Variants in CLNK observed in about 807,000 individuals in gnomAD.
The protein encoded by CLNK is cytokine dependent hematopoietic cell linker, also known as cytokine-dependent hematopoietic cell linker.
In CLNK, 74 loss-of-function variants were observed where a neutral mutation model predicts 68.6. The observed-to-expected ratio is 1.08, with a 90% CI of 0.89 to 1.31. The LOEUF (loss-of-function observed/expected upper bound fraction) is 1.31. CLNK is among the 50% of genes most tolerant of loss of function. The probability of loss-of-function intolerance (pLI) is 0.00; values close to 1 mark genes in which losing one functional copy is unlikely to be tolerated. For missense variants in CLNK, 553 were observed against 515.3 expected, an observed-to-expected ratio of 1.07 and a Z score of -0.71; for synonymous variants, 198 against 172.2, an observed-to-expected ratio of 1.15 and a Z score of -1.17.
At position 10,507,822 on chromosome 4, in the gene CLNK, C is replaced by A. The variant is rs1014827006; in HGVS notation, c.984+137G>T. 9 of 678,668 alleles carry A rather than the reference C, an allele frequency of 1.3e-5. No individual in the cohort carries two copies. The Admixed American group carries it at 2.5e-4, about 19-fold the overall frequency. The allele number at this position is 678,668 out of a possible 1,614,324, so 42.0% of individuals were successfully genotyped here. A position where few individuals can be genotyped will look rare whatever the true frequency, so the allele number is the denominator to read the frequency against. On this transcript the variant is annotated intron_variant, in intron 17 of 18. Transcript: ENST00000226951. ...TAAATGCCCTTTTCGACTACAGCCT[C>A]CCAGCACTGAGAAATGCAGGGTGAT...
Position 10,652,494 on chromosome 4 carries a change from A to G in CLNK, c.11+15365T>C, listed in dbSNP as rs145537132. ...AAAATGTAAGAATAGAAAAGTGTCA[A>G]TATAAAATGATATAAAAGATGGAGC... On this transcript the variant is annotated intron_variant, in intron 2 of 18. Coordinates refer to ENST00000226951, the MANE Select transcript of CLNK (RefSeq NM_052964.4). 4.3e-3 allele frequency among the ~76,000 whole-genome samples: 651 copies of G among 152,170 alleles called. 6 individuals are homozygous for G. The highest frequency in any genetic ancestry group is 0.015 in the African/African-American group (606 of 41,552).
upstream of CLNK, among the ~76,000 whole-genome samples, chr4:10,688,408 A>G (rs1187684344): frequency 6.6e-6 from 1 of 152,190 alleles, no homozygotes; most frequent in Non-Finnish European, 1.5e-5. Context: ...GGAAAAACCC[A>G]AAGAGAACTT....
intron 3 of CLNK, among the ~76,000 whole-genome samples, chr4:10,586,316 C>T (rs553175486): frequency 6.7e-6 from 1 of 148,474 alleles, no homozygotes; most frequent in Admixed American, 6.9e-5. Flanking sequence ...AACCTCATCT[C>T]TGAATCTTTC....
In CLNK at chr4:10,608,623, C is replaced by T. The variant is rs996130218; in HGVS notation, c.12-10574G>A. Among the ~76,000 whole-genome samples, 31 of 152,192 alleles carry T rather than the reference C, an allele frequency of 2.0e-4. 1 individual carries two copies. Among genetic ancestry groups the T allele is most frequent in the African/African-American group, 7.5e-4 (31 of 41,456 alleles). On this transcript the variant is annotated intron_variant, in intron 2 of 18. Transcript: ENST00000226951. The stretch of plus-strand genomic sequence containing the variant: ...GTGTCTGGGTCATGGGAACCAACTC[C>T]TTAACAATGACGAAAATTCTTTACT...
chr4:10,686,902 A>G (rs973075345), upstream of CLNK, among the ~76,000 whole-genome samples: 1 of 152,152 alleles, frequency 6.6e-6, no homozygotes, highest in African/African-American at 2.4e-5. Flanking sequence ...TGATATTTAA[A>G]GCTTTTTTTC....
At chr4:10,529,799 GC>G (rs1214844705) in intron 12 of CLNK, among the ~76,000 whole-genome samples, 1 of 152,146 alleles carries the variant, frequency 6.6e-6, no homozygotes, top group Non-Finnish European at 1.5e-5. Context: ...ATCTGGGGGA[GC>G]AGTTGTTTTA....
the CLNK span, among the ~76,000 whole-genome samples, chr4:10,700,507 T>G: frequency 2.0e-5 from 3 of 152,174 alleles, no homozygotes; most frequent in African/African-American, 7.2e-5. Context: ...TTTACCTCAT[T>G]CAAATCTCAG....
In CLNK at chr4:10,515,539, C is replaced by T. The variant is rs538354077; in HGVS notation, c.773-1942G>A. Among the ~76,000 whole-genome samples the T allele has an allele frequency of 5.2e-4, 79 of 152,076 alleles. No homozygotes were observed. In the Middle Eastern group the frequency reaches 0.027, roughly 53 times the overall value. ...AATGACTGACAAACTACTGTTATTC[C>T]GACTTGGATATTTGACAGATATGTT... On this transcript the variant is annotated intron_variant, in intron 15 of 18. Transcript: ENST00000226951.
At chr4:10,542,682 GTATA>G (rs1195351938) in intron 8 of CLNK, among the ~76,000 whole-genome samples, 94 of 137,870 alleles carry the variant, frequency 6.8e-4, no homozygotes, top group East Asian at 2.6e-3. Context: ...GTGTGTGTGT[GTATA>G]TATATATATA....
chr4:10,704,521 A>G, the CLNK span, among the ~76,000 whole-genome samples: 1 of 152,052 alleles, frequency 6.6e-6, no homozygotes, highest in Non-Finnish European at 1.5e-5. Context: ...GGATGCTGCA[A>G]CCTCCAGACC....
At chr4:10,493,599 A>T (rs767629332) in intron 18 of CLNK, among the ~76,000 whole-genome samples, 4 of 152,148 alleles carry the variant, frequency 2.6e-5, no homozygotes, top group East Asian at 1.9e-4. Flanking sequence ...AGGGCTTAGG[A>T]TTTCAACACA....
intron 2 of CLNK, among the ~76,000 whole-genome samples, chr4:10,639,965 T>C (rs1012601903): frequency 2.0e-5 from 3 of 152,240 alleles, no homozygotes; most frequent in Non-Finnish European, 4.4e-5. Flanking sequence ...TAATTTCTAA[T>C]GTCTGGGCTT....
At chr4:10,572,303 T>C (rs1430833073) in intron 4 of CLNK, among the ~76,000 whole-genome samples, 1 of 152,250 alleles carries the variant, frequency 6.6e-6, no homozygotes, top group Non-Finnish European at 1.5e-5. Context: ...AGACCCCGTA[T>C]TGAACAATTG....
chr4:10,695,289 T>A, the CLNK span, among the ~76,000 whole-genome samples: 2 of 152,026 alleles, frequency 1.3e-5, no homozygotes, highest in African/African-American at 2.4e-5. Flanking sequence ...CACATTGTAC[T>A]CCTTAAATAT....
chr4:10,594,770 A>T (rs1299374338), intron 3 of CLNK, among the ~76,000 whole-genome samples: 1 of 152,250 alleles, frequency 6.6e-6, no homozygotes. Context: ...ATATACATAC[A>T]TATACATATA....
At chr4:10,658,410 C>T (rs1724063449) in intron 2 of CLNK, among the ~76,000 whole-genome samples, 1 of 152,212 alleles carries the variant, frequency 6.6e-6, no homozygotes, top group African/African-American at 2.4e-5. Flanking sequence ...GCCTAACACA[C>T]CACTCCAAAA....
chr4:10,508,987 G>A (rs984473325), intron 16 of CLNK, among the ~76,000 whole-genome samples: 2 of 151,460 alleles, frequency 1.3e-5, no homozygotes, highest in Non-Finnish European at 2.9e-5. Context: ...TGTGCCTATA[G>A]TCCTAGCTAC....
intron 18 of CLNK, among the ~76,000 whole-genome samples, chr4:10,494,847 T>A (rs1304343257): frequency 1.3e-5 from 2 of 152,186 alleles, no homozygotes; most frequent in Non-Finnish European, 2.9e-5. Context: ...ATATTCAAGC[T>A]CTCTTACATA....
chr4:10,707,192 C>G, the CLNK span, among the ~76,000 whole-genome samples: 1 of 151,986 alleles, frequency 6.6e-6, no homozygotes, highest in Non-Finnish European at 1.5e-5. Context: ...TGTCTTGGAC[C>G]ACACATAAAA....
Sources: gnomAD v4.1 joint callset for allele counts (sites outside exome capture counted in the v4.1 genomes callset) on GRCh38, gnomAD v4.1.1 for gene constraint, MANE v1.5 for transcripts, NCBI Gene and HGNC (gene_info 2026-07-23, HGNC 2026-07-21) for gene names.